Variants in DGKB observed in about 807,000 individuals in gnomAD.
The protein encoded by DGKB is diacylglycerol kinase beta.
DGKB carries 67 observed loss-of-function variants against 114.3 expected under a neutral mutation model. The ratio of observed to expected loss-of-function variants is 0.59; its 90% CI spans 0.48 to 0.72. The LOEUF is 0.72. DGKB is among the 30% of genes least tolerant of loss of function. The pLI is 0.00. For missense variants in DGKB, 907 were observed against 975.2 expected (o/e 0.93, Z 0.93); for synonymous variants, 398 against 323.1 (o/e 1.23, Z -2.49).
chr7:14,819,963 C>T (rs552269131), intron 2 of DGKB, among the ~76,000 whole-genome samples: 19 of 152,206 alleles, frequency 1.2e-4, no homozygotes, highest in African/African-American at 2.4e-4. Context: ...AGCCACCCTC[C>T]GCCCCAGCAA....
chr7:14,179,605 A>G (rs1340440136), intron 23 of DGKB, among the ~76,000 whole-genome samples: 1 of 152,158 alleles, frequency 6.6e-6, no homozygotes, highest in Non-Finnish European at 1.5e-5. Context: ...TAGAGATGCT[A>G]ATGATTTATT....
At chr7:14,264,364 A>C (rs1797196978) in intron 23 of DGKB, among the ~76,000 whole-genome samples, 1 of 152,178 alleles carries the variant, frequency 6.6e-6, no homozygotes, top group African/African-American at 2.4e-5. Context: ...CCCTAAAGAC[A>C]AATGAAAACA....
chr7:14,852,232 T>C (rs1015739372), intron 1 of DGKB, among the ~76,000 whole-genome samples: 4 of 151,880 alleles, frequency 2.6e-5, no homozygotes, highest in African/African-American at 9.7e-5. Flanking sequence ...CTTAATTTAT[T>C]AAGTTATTAT....
intron 23 of DGKB, among the ~76,000 whole-genome samples, chr7:14,251,422 T>G (rs955997369): frequency 6.6e-6 from 1 of 152,188 alleles, no homozygotes; most frequent in African/African-American, 2.4e-5. Flanking sequence ...ATGTTATTGA[T>G]GTCACTATTT....
intron 20 of DGKB, among the ~76,000 whole-genome samples, chr7:14,482,835 T>A (rs1179202222): frequency 6.6e-6 from 1 of 152,140 alleles, no homozygotes; most frequent in Non-Finnish European, 1.5e-5. Context: ...TAAAGAAAAT[T>A]ACAATAATAG....
intron 24 of DGKB, among the ~76,000 whole-genome samples, chr7:14,177,424 C>T (rs116352254): frequency 0.031 from 4,700 of 151,732 alleles, 223 homozygotes; most frequent in African/African-American, 0.11. Context: ...GATGTGTTGG[C>T]GGGTGCCTGT....
intron 23 of DGKB, among the ~76,000 whole-genome samples, chr7:14,331,424 C>G (rs906424012): frequency 3.3e-5 from 5 of 151,902 alleles, no homozygotes; most frequent in Non-Finnish European, 7.4e-5. Context: ...ACATCATCTA[C>G]AGTTCTAAAA....
intron 1 of DGKB, among the ~76,000 whole-genome samples, chr7:14,914,609 A>G (rs568974391): frequency 6.6e-6 from 1 of 152,316 alleles, no homozygotes; most frequent in East Asian, 1.9e-4. Flanking sequence ...AAAAAATTGT[A>G]AAGCATACTA....
intron 21 of DGKB, among the ~76,000 whole-genome samples, chr7:14,471,151 G>A (rs1344004844): frequency 6.9e-6 from 1 of 145,368 alleles, no homozygotes; most frequent in Non-Finnish European, 1.5e-5. Context: ...TCTTAGAAAT[G>A]ATAATTTTCC....
chr7:14,754,012 A>T, intron 3 of DGKB, 64 bp from the exon 4 acceptor site: 1 of 1,091,814 alleles, frequency 9.2e-7, no homozygotes, highest in South Asian at 1.4e-5. Flanking sequence ...TCATTATCTC[A>T]TATCTCTGAT....
chr7:14,596,780 G>T (rs1802653147), intron 17 of DGKB, among the ~76,000 whole-genome samples: 1 of 152,062 alleles, frequency 6.6e-6, no homozygotes, highest in South Asian at 2.1e-4. Flanking sequence ...TACATATACA[G>T]GGCATGGGGG....
intron 23 of DGKB, among the ~76,000 whole-genome samples, chr7:14,185,733 C>T (rs1470204527): frequency 6.6e-6 from 1 of 152,122 alleles, no homozygotes; most frequent in Non-Finnish European, 1.5e-5. Context: ...GCCAACTGAT[C>T]TTTGACAAAA....
At chr7:14,906,007 C>A (rs1053268532), upstream of DGKB, among the ~76,000 whole-genome samples, 1 of 152,128 alleles carries the variant, frequency 6.6e-6, no homozygotes, top group Non-Finnish European at 1.5e-5. Flanking sequence ...ACAGGCTCCA[C>A]AGAACTGCAC....
At chr7:14,688,757 A>G (rs1278629987) in intron 9 of DGKB, among the ~76,000 whole-genome samples, 1 of 152,182 alleles carries the variant, frequency 6.6e-6, no homozygotes, top group African/African-American at 2.4e-5. Flanking sequence ...CAAAGGAAAT[A>G]ATGCTCTTCA....
chr7:14,875,673 T>C (rs1690469649), intron 1 of DGKB, among the ~76,000 whole-genome samples: 1 of 152,218 alleles, frequency 6.6e-6, no homozygotes. Flanking sequence ...CGTATTTGTG[T>C]GCCTGTGACA....
At chr7:14,394,073 G>A (rs572053391) in intron 21 of DGKB, among the ~76,000 whole-genome samples, 4 of 152,152 alleles carry the variant, frequency 2.6e-5, no homozygotes, top group Admixed American at 6.5e-5. Flanking sequence ...ATTCACAGTG[G>A]TATCTAGAAA....
chr7:14,318,747 G>A (rs1472695410), intron 23 of DGKB, among the ~76,000 whole-genome samples: 1 of 152,070 alleles, frequency 6.6e-6, no homozygotes, highest in Non-Finnish European at 1.5e-5. Flanking sequence ...CAGGGATCTA[G>A]AACTAGAAAT....
intron 21 of DGKB, among the ~76,000 whole-genome samples, chr7:14,419,422 T>A (rs773426451): frequency 4.9e-4 from 74 of 152,070 alleles, no homozygotes; most frequent in Non-Finnish European, 8.1e-4. Flanking sequence ...TTTGGAGATA[T>A]AAACTTTGCA....
At chr7:14,175,810 C>T (rs1474246735) in intron 25 of DGKB, among the ~76,000 whole-genome samples, 2 of 151,358 alleles carry the variant, frequency 1.3e-5, no homozygotes, top group Non-Finnish European at 3.0e-5. Context: ...TCCTTAGTGT[C>T]TTTTTTTTGG....
Sources: gnomAD v4.1 joint callset for allele counts (sites outside exome capture counted in the v4.1 genomes callset) on GRCh38, gnomAD v4.1.1 for gene constraint, MANE v1.5 for transcripts, NCBI Gene and HGNC (gene_info 2026-07-23, HGNC 2026-07-21) for gene names.